Variants in PTPRD observed in about 807,000 individuals in gnomAD.
The protein encoded by PTPRD is receptor-type tyrosine-protein phosphatase delta.
PTPRD carries 34 observed loss-of-function variants against 214.5 expected under a neutral mutation model. That is an observed-to-expected ratio of 0.16 (90% CI 0.12 to 0.21). The LOEUF is 0.21. Ranked by LOEUF, PTPRD falls within the 10% of genes least tolerant of loss-of-function variation. The pLI, the probability that PTPRD is intolerant of heterozygous loss-of-function variation, is 1.00. For missense variants in PTPRD, 2,545 were observed against 2,398.7 expected (o/e 1.06, Z -1.27); for synonymous variants, 1,128 against 845.7 (o/e 1.33, Z -5.79).
Position 10,068,982 on chromosome 9 carries a change from T to C in PTPRD, c.-544-35192A>G, listed in dbSNP as rs138224104. On this transcript the variant is annotated intron_variant, in intron 3 of 45. Coordinates refer to ENST00000381196, the MANE Select transcript of PTPRD (RefSeq NM_002839.4). ...AGTTTATTCCCACCATATTAAACAGTTTGTTTATCATTATAATCTTTGCCC... is the reference window on the plus strand; with the variant it reads ...AGTTTATTCCCACCATATTAAACAGCTTGTTTATCATTATAATCTTTGCCC... 9.2e-5 allele frequency among the ~76,000 whole-genome samples: 14 copies of C among 152,106 alleles called. No homozygotes were observed. In the East Asian group the frequency reaches 2.5e-3, roughly 27 times the overall value.
chr9:8,328,082 A>G (rs1190743621), intron 44 of PTPRD, among the ~76,000 whole-genome samples: 1 of 152,004 alleles, frequency 6.6e-6, no homozygotes. Context: ...TGGTTATTTG[A>G]CTATTAATTG....
intron 3 of PTPRD, among the ~76,000 whole-genome samples, chr9:10,304,000 T>C (rs1432223749): frequency 6.6e-6 from 1 of 152,200 alleles, no homozygotes; most frequent in African/African-American, 2.4e-5. Flanking sequence ...TGAACATTGA[T>C]GCAAAAATCC....
At chr9:8,847,222 T>A (rs975876154) in intron 11 of PTPRD, among the ~76,000 whole-genome samples, 14 of 152,250 alleles carry the variant, frequency 9.2e-5, no homozygotes, top group Admixed American at 2.0e-4. Flanking sequence ...GTCTGTTAAA[T>A]AGTAAAAGTC....
chr9:9,974,273 C>T (rs2095268121), intron 4 of PTPRD, among the ~76,000 whole-genome samples: 1 of 152,086 alleles, frequency 6.6e-6, no homozygotes, highest in Non-Finnish European at 1.5e-5. Flanking sequence ...TATAAAACCA[C>T]CAGGTAAATA....
At chr9:9,016,080 T>A (rs904680310) in intron 11 of PTPRD, among the ~76,000 whole-genome samples, 6 of 152,148 alleles carry the variant, frequency 3.9e-5, no homozygotes, top group African/African-American at 1.4e-4. Flanking sequence ...ACATGCTCAC[T>A]AATACTTTCC....
intron 36 of PTPRD, among the ~76,000 whole-genome samples, chr9:8,397,258 G>C (rs1172367409): frequency 6.6e-6 from 1 of 152,030 alleles, no homozygotes; most frequent in Non-Finnish European, 1.5e-5. Context: ...GAGAGGGAGA[G>C]AAATCCGGAG....
chr9:8,643,018 G>A (rs190168502), intron 12 of PTPRD, among the ~76,000 whole-genome samples: 68 of 152,256 alleles, frequency 4.5e-4, no homozygotes, highest in African/African-American at 1.6e-3. Context: ...TGGGGACAGT[G>A]AATCTGTCAC....
intron 6 of PTPRD, among the ~76,000 whole-genome samples, chr9:9,739,783 G>C (rs1255451927): frequency 6.6e-6 from 1 of 151,750 alleles, no homozygotes; most frequent in Non-Finnish European, 1.5e-5. Context: ...AACTTGTTGA[G>C]ATAGATACTT....
chr9:8,845,191 A>AAC (rs2097665089), intron 11 of PTPRD, among the ~76,000 whole-genome samples: 1 of 152,010 alleles, frequency 6.6e-6, no homozygotes, highest in Admixed American at 6.6e-5. Flanking sequence ...AACAAAAAAA[A>AAC]ACACACAATT....
At chr9:9,894,125 T>C (rs2074248550) in intron 5 of PTPRD, among the ~76,000 whole-genome samples, 1 of 152,006 alleles carries the variant, frequency 6.6e-6, no homozygotes. Context: ...AACCCTTTTA[T>C]TTTAATATGT....
At chr9:9,548,900 C>T (rs1336758631) in intron 8 of PTPRD, among the ~76,000 whole-genome samples, 1 of 151,998 alleles carries the variant, frequency 6.6e-6, no homozygotes, top group Non-Finnish European at 1.5e-5. Context: ...AGAAATAGAA[C>T]ATTTTTACCA....
At chr9:10,034,968 C>T (rs4556140) in intron 3 of PTPRD, among the ~76,000 whole-genome samples, 2 of 152,104 alleles carry the variant, frequency 1.3e-5, no homozygotes, top group Non-Finnish European at 2.9e-5. Context: ...AATAGGATTG[C>T]TAGTAATAGG....
chr9:9,577,038 T>C (rs2154307088), intron 7 of PTPRD, among the ~76,000 whole-genome samples: 1 of 152,294 alleles, frequency 6.6e-6, no homozygotes, highest in African/African-American at 2.4e-5. Context: ...GTTGTTACAC[T>C]GATCAGATAT....
At chr9:8,799,906 C>T (rs1216664839) in intron 11 of PTPRD, among the ~76,000 whole-genome samples, 1 of 151,688 alleles carries the variant, frequency 6.6e-6, no homozygotes, top group East Asian at 1.9e-4. Context: ...GGCAGATTTT[C>T]CCAGACACAC....
chr9:10,139,308 T>C (rs1291032780), intron 3 of PTPRD, among the ~76,000 whole-genome samples: 1 of 151,242 alleles, frequency 6.6e-6, no homozygotes, highest in African/African-American at 2.4e-5. Flanking sequence ...TGCCCAGGAA[T>C]ACTGCTAATC....
At chr9:9,945,087 A>T (rs1329133234) in intron 4 of PTPRD, among the ~76,000 whole-genome samples, 1 of 152,144 alleles carries the variant, frequency 6.6e-6, no homozygotes. Flanking sequence ...AGAAATTGAT[A>T]AAGTATAACT....
chr9:10,055,075 GC>G lies in PTPRD; in HGVS notation c.-544-21286del, dbSNP rs1210616433. The stretch of plus-strand genomic sequence containing the variant: ...CATGTGAGGACCCAGCAAGAAGGTG[GC>G]CCTCTGCAAGTTGAAGAGGGCCTTC... On this transcript the variant is annotated intron_variant, in intron 3 of 45. Coordinates refer to ENST00000381196, the MANE Select transcript of PTPRD (RefSeq NM_002839.4). 1.3e-5 allele frequency among the ~76,000 whole-genome samples: 2 copies of G among 152,022 alleles called. 1 individual carries two copies. Among genetic ancestry groups the G allele is most frequent in the Non-Finnish European group, 2.9e-5 (2 of 68,004 alleles).
At chr9:8,706,908 G>A (rs900465213) in intron 12 of PTPRD, among the ~76,000 whole-genome samples, 2 of 152,102 alleles carry the variant, frequency 1.3e-5, no homozygotes, top group Admixed American at 6.5e-5. Flanking sequence ...CACTGTCCCC[G>A]CTGGACAGCA....
At chr9:10,549,649 A>G (rs987150062) in intron 2 of PTPRD, among the ~76,000 whole-genome samples, 9 of 152,212 alleles carry the variant, frequency 5.9e-5, no homozygotes, top group Admixed American at 5.2e-4. Context: ...TCCACTCCAG[A>G]AGATTATCTC....
Sources: allele counts gnomAD v4.1 joint callset (sites outside exome capture counted in the v4.1 genomes callset), GRCh38; gene constraint gnomAD v4.1.1; transcripts MANE v1.5; gene names NCBI Gene and HGNC (gene_info 2026-07-23, HGNC 2026-07-21).